The following PPIE variants were observed in gnomAD, a reference collection of about 807,000 sequenced individuals.
PPIE encodes peptidyl-prolyl cis-trans isomerase E.
A neutral mutation model predicts 38.4 loss-of-function variants in PPIE; 20 were observed. The observed-to-expected ratio is 0.52, with a 90% CI of 0.37 to 0.76. The LOEUF is 0.76. PPIE is among the 30% of genes least tolerant of loss of function. The pLI is 0.00. For synonymous variants in PPIE, 142 were observed against 135.7 expected, an observed-to-expected ratio of 1.05 and a Z score of -0.32; for missense variants, 322 against 385.8, an observed-to-expected ratio of 0.83 and a Z score of 1.39.
Position 39,754,210 on chromosome 1 carries a change from T to G in PPIE, c.*855T>G. ...TGTCCATGGTGGTTTCTTACTGCAG[T>G]GGCAGAGGTGCGTAAGGGGCTATAG... is the stretch of plus-strand genomic sequence containing the variant. On this transcript the variant is annotated 3_prime_UTR_variant, in exon 10 of 10. Transcript: ENST00000324379. 1 of 442,410 alleles carries G rather than the reference T, an allele frequency of 2.3e-6. No individual in the cohort carries two copies. The highest frequency in any genetic ancestry group is 3.0e-6 in the Non-Finnish European group (1 of 333,752). 27.4% of individuals were successfully genotyped at this position (442,410 alleles called of 1,614,324 possible).
intron 9 of PPIE, chr1:39,762,538 T>G: frequency 2.6e-6 from 4 of 1,550,242 alleles, no homozygotes; most frequent in Non-Finnish European, 3.5e-6. Context: ...TACCAAGGCA[T>G]CAAAAGCCAG....
chr1:39,753,367 C>G lies in PPIE; in HGVS notation c.*12C>G. The G allele has an allele frequency of 3.1e-6, 5 of 1,613,154 alleles. No homozygotes were observed. Among genetic ancestry groups the G allele is most frequent in the Non-Finnish European group, 4.2e-6 (5 of 1,179,394 alleles). On this transcript the variant is annotated 3_prime_UTR_variant, in exon 10 of 10. Coordinates refer to ENST00000324379, the MANE Select transcript of PPIE (RefSeq NM_006112.4). ...GGGAGTACGTGTGAGGCGGCACTCT[C>G]TCTGCTTCCCCCTCCGCTCTTGACC...
At chr1:39,749,505 A>G (rs34701288) in intron 8 of PPIE, among the ~76,000 whole-genome samples, 40,222 of 151,902 alleles carry the variant, frequency 0.26, 5,399 homozygotes, top group South Asian at 0.3. Flanking sequence ...ACCCTTGCCA[A>G]CCTGACCAGA....
intron 9 of PPIE, chr1:39,762,555 C>G: frequency 6.5e-7 from 1 of 1,550,306 alleles, no homozygotes; most frequent in East Asian, 2.4e-5. Flanking sequence ...CCAGGGGATC[C>G]AGAAAAAACA....
intron 6 of PPIE, among the ~76,000 whole-genome samples, 192 bp downstream of exon 6, chr1:39,744,116 A>G (rs1216858874): frequency 6.6e-6 from 1 of 152,200 alleles, no homozygotes; most frequent in East Asian, 1.9e-4. Context: ...AGTGAATTCA[A>G]GGGCGAAACT....
chr1:39,745,580 CT>C, intron 7 of PPIE, 82 bp downstream of exon 7: 1 of 1,595,432 alleles, frequency 6.3e-7, no homozygotes, highest in African/African-American at 1.3e-5. Context: ...TGCTTCACTT[CT>C]TGTGTCCTTG....
chr1:39,743,775 G>A (rs1436775376), intron 5 of PPIE, 49 bp from the exon 6 acceptor site: 2 of 1,496,282 alleles, frequency 1.3e-6, no homozygotes, highest in Non-Finnish European at 9.3e-7. Context: ...CTACTTTTCA[G>A]TTCAAGCTGA....
chr1:39,744,392 T>G (rs1333225726), intron 6 of PPIE, among the ~76,000 whole-genome samples: 1 of 152,234 alleles, frequency 6.6e-6, no homozygotes, highest in Non-Finnish European at 1.5e-5. Flanking sequence ...GGGAACCTGC[T>G]GGGGCACTTC....
intron 2 of PPIE, 152 bp downstream of exon 2, chr1:39,740,415 T>TG: frequency 4.8e-6 from 3 of 619,288 alleles, no homozygotes; most frequent in Non-Finnish European, 8.4e-6. Flanking sequence ...GTGATCTCGA[T>TG]GGAGAAGGAA....
intron 8 of PPIE, 71 bp downstream of exon 8, chr1:39,749,159 A>G: frequency 1.4e-6 from 2 of 1,475,262 alleles, no homozygotes; most frequent in Non-Finnish European, 1.8e-6. Flanking sequence ...GGATGGAAGG[A>G]CAGGTTGTAG....
Position 39,745,487 on chromosome 1 carries a change from C to G in PPIE, c.497C>G (p.Pro166Arg), listed in dbSNP as rs1305268925. ...IQMLLRSDVV[P>R]MTAENFRCLC... Reference sequence around the variant, plus strand: ...ATGCTCCTGCGTTCTGATGTCGTGCCCATGACAGCAGGTGAGCAGGACGCT... The same window carrying G: ...ATGCTCCTGCGTTCTGATGTCGTGCGCATGACAGCAGGTGAGCAGGACGCT... Residue 166 changes from proline (P) to arginine (R), a missense_variant, in exon 7 of 10, where the codon CCC (proline) becomes CGC (arginine). By Grantham distance (103) the Pro-to-Arg change is moderately radical. Coordinates refer to ENST00000324379, the MANE Select transcript of PPIE (RefSeq NM_006112.4). 4.3e-6 allele frequency: 7 copies of G among 1,614,098 alleles called. No individual in the cohort carries two copies. In the African/African-American group the frequency reaches 5.3e-5, roughly 12 times the overall value.
Position 39,753,907 on chromosome 1 carries a change from G to C in PPIE, c.*552G>C. 3 of 985,438 alleles carry C rather than the reference G, an allele frequency of 3.0e-6. No individual in the cohort carries two copies. Among genetic ancestry groups the C allele is most frequent in the Non-Finnish European group, 3.6e-6 (3 of 829,932 alleles). The allele number at this position is 985,438 out of a possible 1,614,324, so 61.0% of individuals were successfully genotyped here. ...GGCAACGGAAATTAAAGACTGGAAA[G>C]CTCCGGTCTTCTGCTGCCTCTGCTC... is the stretch of plus-strand genomic sequence containing the variant. On this transcript the variant is annotated 3_prime_UTR_variant, in exon 10 of 10. Coordinates refer to ENST00000324379, the MANE Select transcript of PPIE (RefSeq NM_006112.4).
In PPIE at chr1:39,743,206, A is replaced by G. The variant is rs200336267; in HGVS notation, c.202-10A>G. ...GAGAGTTTAAGCAGCTGGATTTTCA[A>G]TCTTTTCAGAATGAATCTGAGCTTT... On this transcript the variant is annotated splice_polypyrimidine_tract_variant and intron_variant, in intron 4 of 9. Coordinates refer to ENST00000324379, the MANE Select transcript of PPIE (RefSeq NM_006112.4). The G allele has an allele frequency of 5.1e-5, 83 of 1,613,070 alleles. No individual in the cohort carries two copies. Among genetic ancestry groups the G allele is most frequent in the Middle Eastern group, 1.6e-4 (1 of 6,084 alleles).
intron 8 of PPIE, among the ~76,000 whole-genome samples, chr1:39,750,696 G>T (rs527301198): frequency 6.6e-6 from 1 of 152,224 alleles, no homozygotes; most frequent in Non-Finnish European, 1.5e-5. Flanking sequence ...GCCTCTTCTT[G>T]TCTCCTTTTA....
intron 2 of PPIE, among the ~76,000 whole-genome samples, chr1:39,740,681 C>T (rs558054405): frequency 6.6e-6 from 1 of 152,380 alleles, no homozygotes; most frequent in East Asian, 1.9e-4. Context: ...TTGGCCTCTG[C>T]ACCCCTGGGT....
At chr1:39,741,538 G>C (rs1647057385) in intron 3 of PPIE, 129 bp downstream of exon 3, 3 of 973,724 alleles carry the variant, frequency 3.1e-6, no homozygotes, top group East Asian at 4.8e-5. Context: ...TCAGAAGTAA[G>C]TGCTGTTCTA....
intron 2 of PPIE, among the ~76,000 whole-genome samples, chr1:39,741,133 C>T (rs1647047012): frequency 6.6e-6 from 1 of 152,022 alleles, no homozygotes; most frequent in Admixed American, 6.5e-5. Context: ...GAATACTTAT[C>T]AATTAAAAAT....
chr1:39,742,058 A>C (rs1049762786), intron 4 of PPIE, 137 bp downstream of exon 4: 1 of 824,238 alleles, frequency 1.2e-6, no homozygotes, highest in African/African-American at 1.7e-5. Context: ...GAAAATATTC[A>C]CTGTGAATTG....
Position 39,753,074 on chromosome 1 carries a change from T to G in PPIE, c.837+22T>G, listed in dbSNP as rs376997973. ...TGAGGTATGTGGCCAGGAATGGGCCTCCTCCTTACCCAGGCCCTAGGAGCA... is the reference window on the plus strand; with the variant it reads ...TGAGGTATGTGGCCAGGAATGGGCCGCCTCCTTACCCAGGCCCTAGGAGCA... On this transcript the variant is annotated intron_variant, in intron 9 of 9. Transcript: ENST00000324379. 407 of 1,613,790 alleles carry G rather than the reference T, an allele frequency of 2.5e-4. 4 individuals carry two copies. In the Admixed American group the frequency reaches 6.1e-3, roughly 24 times the overall value.
Sources: gnomAD v4.1 joint callset for allele counts (sites outside exome capture counted in the v4.1 genomes callset) on GRCh38, gnomAD v4.1.1 for gene constraint, MANE v1.5 for transcripts, NCBI Gene and HGNC (gene_info 2026-07-23, HGNC 2026-07-21) for gene names.